Variants in CALN1 observed in about 807,000 individuals in gnomAD.
The protein encoded by CALN1 is calcium-binding protein 8.
In CALN1, 17 loss-of-function variants were observed where a neutral mutation model predicts 30.6. The observed-to-expected ratio is 0.56, with a 90% CI of 0.38 to 0.83. The LOEUF (loss-of-function observed/expected upper bound fraction) is 0.83, where lower values mean the gene tolerates loss of function less well. CALN1 is among the 40% of genes least tolerant of loss of function. CALN1 has a pLI of 0.00. For missense variants in CALN1, 291 were observed against 354.9 expected (o/e 0.82, Z 1.45); for synonymous variants, 156 against 131.4 (o/e 1.19, Z -1.28).
intron 3 of CALN1, among the ~76,000 whole-genome samples, chr7:72,198,762 A>ATGATCAATAC (rs1489190691): frequency 6.6e-6 from 1 of 152,206 alleles, no homozygotes; most frequent in Admixed American, 6.5e-5. Context: ...TGCACACTAT[A>ATGATCAATAC]TGATCAATAC....
intron 5 of CALN1, among the ~76,000 whole-genome samples, chr7:71,876,901 A>G (rs1287506448): frequency 6.6e-6 from 1 of 152,174 alleles, no homozygotes; most frequent in Non-Finnish European, 1.5e-5. Flanking sequence ...GGATGGTAAA[A>G]GATGAAAGAG....
chr7:71,985,412 G>A (rs1264510814), intron 5 of CALN1, among the ~76,000 whole-genome samples: 2 of 151,996 alleles, frequency 1.3e-5, no homozygotes, highest in African/African-American at 2.4e-5. Context: ...GGGAAGCCGA[G>A]GTGGAAGGAT....
intron 5 of CALN1, among the ~76,000 whole-genome samples, chr7:71,842,927 A>G (rs958012014): frequency 1.3e-5 from 2 of 152,198 alleles, no homozygotes; most frequent in African/African-American, 4.8e-5. Flanking sequence ...ACTTTACATG[A>G]CTGTAAATCT....
chr7:72,193,711 T>G (rs982199789), intron 3 of CALN1, among the ~76,000 whole-genome samples: 2 of 152,110 alleles, frequency 1.3e-5, no homozygotes, highest in Non-Finnish European at 1.5e-5. Flanking sequence ...TCTAAACATA[T>G]AAAAGGTTCA....
At chr7:72,023,631 G>C in intron 5 of CALN1, 26 bp downstream of exon 5, 3 of 1,570,822 alleles carry the variant, frequency 1.9e-6, no homozygotes, top group South Asian at 2.2e-5. Context: ...GTCAAACTTA[G>C]TCTGAAAAAA....
rs1482000174 is a variant in CALN1, at chr7:72,126,658, C to T, written c.245-20364G>A. ...CAAAGTCCATTATATCATGTTTATG[C>T]CTTTGCATCCTCATAGCTTAGCTCA... On this transcript the variant is annotated intron_variant, in intron 3 of 6. Transcript: ENST00000395275. 2.0e-5 allele frequency among the ~76,000 whole-genome samples: 3 copies of T among 152,132 alleles called. No homozygotes were observed. The East Asian group carries it at 5.8e-4, about 30-fold the overall frequency.
At chr7:71,899,744 C>T (rs923300440) in intron 5 of CALN1, among the ~76,000 whole-genome samples, 2 of 152,080 alleles carry the variant, frequency 1.3e-5, no homozygotes, top group African/African-American at 4.8e-5. Flanking sequence ...TAACATACTT[C>T]AGAATAACTG....
chr7:72,237,701 G>C (rs1417767544), intron 3 of CALN1, among the ~76,000 whole-genome samples: 2 of 152,234 alleles, frequency 1.3e-5, no homozygotes, highest in Admixed American at 6.5e-5. Flanking sequence ...CCTCTCTTAG[G>C]AGTTCCCCAA....
chr7:72,009,642 G>A (rs144050814), intron 5 of CALN1, among the ~76,000 whole-genome samples: 2 of 152,290 alleles, frequency 1.3e-5, no homozygotes, highest in South Asian at 2.1e-4. Flanking sequence ...TGTGTTGTGG[G>A]AGGGACCATC....
intron 2 of CALN1, among the ~76,000 whole-genome samples, chr7:72,394,579 A>T (rs950344536): frequency 6.6e-6 from 1 of 152,094 alleles, no homozygotes; most frequent in Non-Finnish European, 1.5e-5. Flanking sequence ...ATGTGATCAC[A>T]TTCATAATAA....
chr7:71,949,445 G>A (rs566583972), intron 5 of CALN1, among the ~76,000 whole-genome samples: 1 of 151,796 alleles, frequency 6.6e-6, no homozygotes, highest in South Asian at 2.1e-4. Context: ...GTGCAGTGGT[G>A]TGATCTCAGC....
chr7:71,781,156 A>C lies in CALN1; in HGVS notation c.*6619T>G, dbSNP rs1231198701. The C allele has an allele frequency of 6.6e-6, 1 of 152,176 alleles. No homozygotes were observed. Among genetic ancestry groups the C allele is most frequent in the Admixed American group, 6.5e-5 (1 of 15,272 alleles). The allele number at this position is 152,176 out of a possible 1,614,324, so 9.4% of individuals were successfully genotyped here. A position where few individuals can be genotyped will look rare whatever the true frequency, so the allele number is the denominator to read the frequency against. The stretch of plus-strand genomic sequence containing the variant: ...GGGAGCATTCACTCCATCTTGTTTC[A>C]GACAAAATAGATGGGAGGGCTTGTC... On this transcript the variant is annotated 3_prime_UTR_variant, in exon 7 of 7. Coordinates refer to ENST00000395275, the MANE Select transcript of CALN1 (RefSeq NM_031468.4).
chr7:72,054,787 A>G (rs1210564380), intron 4 of CALN1, among the ~76,000 whole-genome samples: 1 of 152,038 alleles, frequency 6.6e-6, no homozygotes, highest in African/African-American at 2.4e-5. Flanking sequence ...AGTACCCCAA[A>G]TAATTATTGG....
chr7:72,222,671 C>G, intron 3 of CALN1, among the ~76,000 whole-genome samples: 1 of 152,216 alleles, frequency 6.6e-6, no homozygotes, highest in East Asian at 1.9e-4. Flanking sequence ...ACCCACCTCT[C>G]AGGATCTTGC....
intron 2 of CALN1, among the ~76,000 whole-genome samples, chr7:72,367,867 C>T (rs1258279428): frequency 2.0e-5 from 3 of 151,834 alleles, no homozygotes; most frequent in Non-Finnish European, 4.4e-5. Context: ...GGTCCAGTGG[C>T]TCACACCTGT....
At chr7:72,454,470 GT>G in the CALN1 span, among the ~76,000 whole-genome samples, 1 of 152,154 alleles carries the variant, frequency 6.6e-6, no homozygotes, top group East Asian at 1.9e-4. Flanking sequence ...AAAGTGACCA[GT>G]TTTGAATGGC....
chr7:71,792,359 G>T (rs193015220), intron 6 of CALN1, among the ~76,000 whole-genome samples: 1 of 152,046 alleles, frequency 6.6e-6, no homozygotes, highest in South Asian at 2.1e-4. Flanking sequence ...TTTCGCCATG[G>T]TCTCTTAGGT....
intron 1 of CALN1, among the ~76,000 whole-genome samples, chr7:72,410,949 A>C (rs554297340): frequency 2.0e-5 from 3 of 151,472 alleles, no homozygotes; most frequent in African/African-American, 4.8e-5. Context: ...AGATGGGAAA[A>C]GAAATAAAGT....
chr7:72,236,771 C>T (rs1034776095), intron 3 of CALN1, among the ~76,000 whole-genome samples: 4 of 152,092 alleles, frequency 2.6e-5, no homozygotes, highest in Admixed American at 6.5e-5. Context: ...TGATATAGTA[C>T]AGGTATTTGT....
Sources: allele counts gnomAD v4.1 joint callset (sites outside exome capture counted in the v4.1 genomes callset), GRCh38; gene constraint gnomAD v4.1.1; transcripts MANE v1.5; gene names NCBI Gene and HGNC (gene_info 2026-07-23, HGNC 2026-07-21).